The following FAM124B variants were observed in gnomAD, a reference collection of about 807,000 sequenced individuals.
The protein encoded by FAM124B is protein FAM124B.
A neutral mutation model predicts 19.7 loss-of-function variants in FAM124B; 18 were observed. The ratio of observed to expected loss-of-function variants is 0.92; its 90% CI spans 0.63 to 1.36. FAM124B has a LOEUF of 1.36. Among genes scored for constraint, FAM124B ranks in the 40% most tolerant of loss-of-function variants. FAM124B has a pLI of 0.00. For missense variants in FAM124B, 540 were observed against 553.3 expected, an observed-to-expected ratio of 0.98 and a Z score of 0.24; for synonymous variants, 223 against 225.2, an observed-to-expected ratio of 0.99 and a Z score of 0.09.
chr2:224,382,684 A>G (rs995090328), intron 1 of FAM124B, among the ~76,000 whole-genome samples: 1 of 152,154 alleles, frequency 6.6e-6, no homozygotes, highest in Non-Finnish European at 1.5e-5. Flanking sequence ...GCTGGATGAC[A>G]GGAGTGAGCC....
intron 1 of FAM124B, among the ~76,000 whole-genome samples, chr2:224,390,114 T>TACACACAC (rs59825011): frequency 0.037 from 4,861 of 131,718 alleles, 127 homozygotes; most frequent in African/African-American, 0.074. Context: ...GTCTTTGAAA[T>TACACACAC]ACACACACAC....
intron 1 of FAM124B, among the ~76,000 whole-genome samples, chr2:224,394,704 A>G (rs1689941956): frequency 6.6e-6 from 1 of 152,172 alleles, no homozygotes; most frequent in Non-Finnish European, 1.5e-5. Flanking sequence ...TGCACAAAAA[A>G]TTCTCTAAAC....
intron 1 of FAM124B, among the ~76,000 whole-genome samples, chr2:224,381,921 G>A (rs759781092): frequency 2.6e-5 from 4 of 152,134 alleles, no homozygotes; most frequent in Non-Finnish European, 5.9e-5. Context: ...GCAGAAATGA[G>A]GACAGTGAGA....
intron 1 of FAM124B, among the ~76,000 whole-genome samples, chr2:224,395,659 T>C (rs113693009): frequency 3.7e-3 from 567 of 152,350 alleles, no homozygotes; most frequent in Non-Finnish European, 5.0e-3. Flanking sequence ...TTCTGAGGAA[T>C]GAATAAACAT....
chr2:224,400,289 T>C, intron 1 of FAM124B: 1 of 541,244 alleles, frequency 1.8e-6, no homozygotes, highest in Non-Finnish European at 3.3e-6. Context: ...TCAATAGTAC[T>C]GCAAACTTAA....
intron 1 of FAM124B, among the ~76,000 whole-genome samples, chr2:224,397,090 C>T (rs1689984450): frequency 6.6e-6 from 1 of 152,178 alleles, no homozygotes; most frequent in African/African-American, 2.4e-5. Flanking sequence ...TATGGTTTGG[C>T]TGTGTCCTCA....
chr2:224,388,763 C>T (rs1689837623), intron 1 of FAM124B, among the ~76,000 whole-genome samples: 1 of 152,146 alleles, frequency 6.6e-6, no homozygotes, highest in Non-Finnish European at 1.5e-5. Context: ...AGAAAGAAGC[C>T]TTCCTAAATT....
intron 1 of FAM124B, among the ~76,000 whole-genome samples, chr2:224,390,296 C>T (rs1335160576): frequency 1.3e-5 from 2 of 152,086 alleles, no homozygotes; most frequent in Non-Finnish European, 2.9e-5. Context: ...TCAAGCACTG[C>T]TGGCCCTCCA....
intron 1 of FAM124B, among the ~76,000 whole-genome samples, chr2:224,395,734 C>T (rs76392667): frequency 0.011 from 1,681 of 152,328 alleles, 27 homozygotes; most frequent in African/African-American, 0.037. Flanking sequence ...GCTCATATCG[C>T]TGTCATCAAA....
intron 1 of FAM124B, among the ~76,000 whole-genome samples, chr2:224,386,438 C>T (rs991907514): frequency 1.3e-5 from 2 of 152,054 alleles, no homozygotes; most frequent in Admixed American, 6.5e-5. Context: ...GGATTTTAGA[C>T]CACTTACTTA....
rs1004644116 is a variant in FAM124B, at chr2:224,378,911, G to C, written c.*662C>G. 6.6e-6 allele frequency: 1 copy of C among 152,296 alleles called. No homozygotes were observed. Among genetic ancestry groups the C allele is most frequent in the Non-Finnish European group, 1.5e-5 (1 of 68,102 alleles). 9.4% of individuals were successfully genotyped at this position (152,296 alleles called of 1,614,324 possible). A position where few individuals can be genotyped will look rare whatever the true frequency, so the allele number is the denominator to read the frequency against. On this transcript the variant is annotated 3_prime_UTR_variant, in exon 2 of 2. Coordinates refer to ENST00000409685, the MANE Select transcript of FAM124B (RefSeq NM_001122779.2). The stretch of plus-strand genomic sequence containing the variant: ...TCTTTGACATAGTGCAGAAACAAAT[G>C]AGAAGCAGATGAGCAGGAAAGCCCT...
intron 1 of FAM124B, among the ~76,000 whole-genome samples, chr2:224,397,459 C>G (rs1245823886): frequency 2.0e-5 from 3 of 152,082 alleles, no homozygotes; most frequent in Non-Finnish European, 4.4e-5. Flanking sequence ...AAATTGGTAT[C>G]AGTAGAGTGG....
chr2:224,393,735 A>G (rs566849620), intron 1 of FAM124B, among the ~76,000 whole-genome samples: 1 of 152,360 alleles, frequency 6.6e-6, no homozygotes, highest in South Asian at 2.1e-4. Flanking sequence ...AGCTCTGAGA[A>G]TAGCGACATC....
Position 224,401,247 on chromosome 2 carries a change from G to A in FAM124B, c.522C>T (p.Phe174=). 6.2e-7 allele frequency: 1 copy of A among 1,614,122 alleles called. No individual in the cohort carries two copies. The highest frequency in any genetic ancestry group is 8.5e-7 in the Non-Finnish European group (1 of 1,180,028). Residue 174 remains phenylalanine (F), a synonymous_variant, in exon 1 of 2, where the codon TTC becomes TTT. Coordinates refer to ENST00000409685, the MANE Select transcript of FAM124B (RefSeq NM_001122779.2). ...CAAAGCTCTTGGAGGCATAGAGCAC[G>A]AAGAAACAAAAATTGCTCTTTTGCA... The part of the protein sequence containing the change: ...ATLQKSNFCF[F]VLYASKSFAL...
chr2:224,395,825 C>T (rs928606489), intron 1 of FAM124B, among the ~76,000 whole-genome samples: 4 of 152,156 alleles, frequency 2.6e-5, no homozygotes, highest in African/African-American at 9.7e-5. Flanking sequence ...GCTCACTGGG[C>T]GCGCTGGCAG....
chr2:224,399,172 C>A (rs1053675724), intron 1 of FAM124B, among the ~76,000 whole-genome samples: 1 of 152,166 alleles, frequency 6.6e-6, no homozygotes, highest in Non-Finnish European at 1.5e-5. Flanking sequence ...GGTTCCATAG[C>A]AAAAATGTCA....
intron 1 of FAM124B, among the ~76,000 whole-genome samples, chr2:224,391,218 A>G (rs947076403): frequency 2.6e-5 from 4 of 150,988 alleles, no homozygotes; most frequent in Admixed American, 1.3e-4. Context: ...CCGCACACCT[A>G]TAGTTCCAGC....
intron 1 of FAM124B, 56 bp from the exon 2 acceptor site, chr2:224,380,264 A>G: frequency 6.9e-7 from 1 of 1,446,276 alleles, no homozygotes. Context: ...ACTAAGTGCC[A>G]AGAGCTGACT....
chr2:224,387,104 G>C (rs1689811441), intron 1 of FAM124B, among the ~76,000 whole-genome samples: 1 of 152,246 alleles, frequency 6.6e-6, no homozygotes, highest in Admixed American at 6.5e-5. Flanking sequence ...ATAATGCTGA[G>C]TGATTGAGAT....
Sources: gnomAD v4.1 joint callset for allele counts (sites outside exome capture counted in the v4.1 genomes callset) on GRCh38, gnomAD v4.1.1 for gene constraint, MANE v1.5 for transcripts, NCBI Gene and HGNC (gene_info 2026-07-23, HGNC 2026-07-21) for gene names.